AMH: variants seen among roughly 807,000 people sequenced by gnomAD.
The protein encoded by AMH is anti-Mullerian hormone.
A neutral mutation model predicts 33.3 loss-of-function variants in AMH; 39 were observed. That is an observed-to-expected ratio of 1.17 (90% CI 0.91 to 1.53). The LOEUF (loss-of-function observed/expected upper bound fraction) is 1.53. Among genes scored for constraint, AMH ranks in the 40% most tolerant of loss-of-function variants. AMH has a pLI of 0.00. For synonymous variants in AMH, 536 were observed against 403.0 expected (o/e 1.33, Z -3.95); for missense variants, 1,019 against 799.8 (o/e 1.27, Z -3.30).
chr19:2,249,924 C>T lies in AMH; in HGVS notation c.412+180C>T, dbSNP rs1294302603. ...GGTGGGCACCACACTCTGTCCTGTC[C>T]CCGAAGCCCAGCTCTTAGACTTGCC... On this transcript the variant is annotated intron_variant, in intron 1 of 4. Transcript: ENST00000221496. The T allele has an allele frequency of 8.0e-6, 6 of 748,898 alleles. No homozygotes were observed. In the East Asian group the frequency reaches 8.2e-5, roughly 10 times the overall value. The allele number at this position is 748,898 out of a possible 1,614,324, so 46.4% of individuals were successfully genotyped here. A position where few individuals can be genotyped will look rare whatever the true frequency, so the allele number is the denominator to read the frequency against.
Position 2,251,903 on chromosome 19 carries a change from C to A in AMH, c.1629C>A (p.Arg543=), listed in dbSNP as rs780065671. The A allele has an allele frequency of 3.8e-5, 60 of 1,565,568 alleles. No individual in the cohort carries two copies. Among genetic ancestry groups the A allele is most frequent in the Non-Finnish European group, 4.8e-5 (56 of 1,164,144 alleles). The change falls in exon 5 of 5, where the codon CGC becomes CGA. Residue 543 remains arginine, a synonymous_variant. Transcript: ENST00000221496. The part of the protein sequence containing the change: ...GKLLISLSEE[R]ISAHHVPNMV... ...TGCTCATCAGCCTGTCGGAGGAGCG[C>A]ATCAGCGCGCACCACGTGCCCAACA...
intron 4 of AMH, 33 bp downstream of exon 4, chr19:2,251,041 C>CG (rs2145030013): frequency 6.6e-7 from 1 of 1,525,812 alleles, no homozygotes; most frequent in East Asian, 2.5e-5. Context: ...GGGGCAGGAG[C>CG]GGGCGGGGGC....
intron 1 of AMH, 104 bp from the exon 2 acceptor site, chr19:2,250,233 T>A: frequency 6.6e-7 from 1 of 1,517,252 alleles, no homozygotes; most frequent in Non-Finnish European, 8.8e-7. Context: ...GTCCCCCGCT[T>A]GAGGTCCCCT....
Position 2,251,652 on chromosome 19 carries a change from G to T in AMH, c.1378G>T (p.Gly460Trp), listed in dbSNP as rs756844421. Residue 460 changes from glycine to tryptophan, a missense_variant, in exon 5 of 5, where the codon GGG becomes TGG. Transcript: ENST00000221496. ...CAGCGCGGGGGCCACCGCCGCCGAC[G>T]GGCCGTGCGCGCTGCGCGAGCTCAG... ...QRSAGATAAD[G>W]PCALRELSVD... 5 of 1,599,000 alleles carry T rather than the reference G, an allele frequency of 3.1e-6. No individual in the cohort carries two copies. The highest frequency in any genetic ancestry group is 2.7e-5 in the African/African-American group (2 of 73,044).
At chr19:2,250,219 C>A in intron 1 of AMH, 118 bp from the exon 2 acceptor site, 1 of 1,482,340 alleles carries the variant, frequency 6.7e-7, no homozygotes, top group Non-Finnish European at 9.1e-7. Context: ...AGAGGGGCAC[C>A]CTTGTCCCCC....
Position 2,249,338 on chromosome 19 carries a change from G to T in AMH, c.6G>T (p.Arg2=). The change falls in exon 1 of 5, where the codon CGG becomes CGT. Residue 2 remains arginine, a synonymous_variant. Coordinates refer to ENST00000221496, the MANE Select transcript of AMH (RefSeq NM_000479.5). M[R]DLPLTSLALV... ...AGCCCCTGGCAGCACCCACGATGCG[G>T]GACCTGCCTCTCACCAGCCTGGCCC... 1 of 1,567,688 alleles carries T rather than the reference G, an allele frequency of 6.4e-7. No homozygotes were observed. The highest frequency in any genetic ancestry group is 8.6e-7 in the Non-Finnish European group (1 of 1,158,732).
chr19:2,250,652 A>G lies in AMH; in HGVS notation c.556A>G (p.Ser186Gly). The G allele has an allele frequency of 6.5e-7, 1 of 1,539,056 alleles. No homozygotes were observed. Among genetic ancestry groups the G allele is most frequent in the East Asian group, 2.4e-5 (1 of 40,934 alleles). ...CCGGGCTGAGCCCTGGTCTCCGCAG[A>G]GCCTCTGCCCCTCCCGAGACACCCG... is the stretch of plus-strand genomic sequence containing the variant. ...VTRAGLPGAQ[S>G]LCPSRDTRYL... is the part of the protein sequence containing the mutation. Residue 186 changes from serine (S) to glycine (G), a missense_variant and splice_region_variant, in exon 3 of 5, where the codon AGC becomes GGC. Coordinates refer to ENST00000221496, the MANE Select transcript of AMH (RefSeq NM_000479.5).
intron 3 of AMH, 40 bp from the exon 4 acceptor site, chr19:2,250,809 C>T (rs763413938): frequency 4.5e-6 from 7 of 1,539,776 alleles, no homozygotes; most frequent in East Asian, 2.4e-5. Flanking sequence ...TGCCCCCGGG[C>T]CCCCAGCCCC....
intron 2 of AMH, 81 bp from the exon 3 acceptor site, chr19:2,250,571 A>C: frequency 1.3e-6 from 2 of 1,537,798 alleles, no homozygotes; most frequent in East Asian, 4.9e-5. Flanking sequence ...GCGTAGAACC[A>C]GTGGCGATGG....
chr19:2,250,591 G>T, intron 2 of AMH, 61 bp from the exon 3 acceptor site: 1 of 1,536,620 alleles, frequency 6.5e-7, no homozygotes, highest in South Asian at 1.2e-5. Flanking sequence ...GGAGGAAGGG[G>T]ACCGGTAGAG....
Position 2,249,635 on chromosome 19 carries a change from G to A in AMH, c.303G>A (p.Gly101=), listed in dbSNP as rs61736575. The A allele has an allele frequency of 0.044, 66,765 of 1,528,444 alleles. 1,826 individuals carry two copies. Among genetic ancestry groups the A allele is most frequent in the East Asian group, 0.11 (4,720 of 42,408 alleles). The allele number at this position is 1,528,444 out of a possible 1,614,324, so 94.7% of individuals were successfully genotyped here. ...RWGPRDLATF[G]VCNTGDRQAA... ...GCCCCCGAGACCTGGCCACCTTCGG[G>A]GTCTGCAACACCGGTGACAGGCAGG... The change falls in exon 1 of 5, where the codon GGG becomes GGA. Residue 101 remains glycine, a synonymous_variant. Transcript: ENST00000221496.
At chr19:2,249,912 C>A in intron 1 of AMH, 168 bp downstream of exon 1, 1 of 793,766 alleles carries the variant, frequency 1.3e-6, no homozygotes, top group Non-Finnish European at 1.9e-6. Context: ...GGGCACCACA[C>A]TCTGTCCTGT....
In AMH at chr19:2,252,023, A is replaced by G; in HGVS notation, c.*66A>G. On this transcript the variant is annotated 3_prime_UTR_variant, in exon 5 of 5. Coordinates refer to ENST00000221496, the MANE Select transcript of AMH (RefSeq NM_000479.5). ...CGCCCCAGCTCGCGCCCCTTCCCAT[A>G]TTTATTCGGACCCCAAGCATCGCCC... 5 of 1,520,952 alleles carry G rather than the reference A, an allele frequency of 3.3e-6. No homozygotes were observed. The highest frequency in any genetic ancestry group is 4.4e-6 in the Non-Finnish European group (5 of 1,137,802). 94.2% of individuals were successfully genotyped at this position (1,520,952 alleles called of 1,614,324 possible).
Position 2,251,963 on chromosome 19 carries a change from G to T in AMH, c.*6G>T. On this transcript the variant is annotated 3_prime_UTR_variant, in exon 5 of 5. Transcript: ENST00000221496. ...CCGAGTGTGGCTGCCGGTGACCCCT[G>T]CGCCGCGCGGACTCCTGCCCCGAGG... 6.5e-7 allele frequency: 1 copy of T among 1,540,082 alleles called. No homozygotes were observed. The highest frequency in any genetic ancestry group is 1.2e-5 in the South Asian group (1 of 84,752).
chr19:2,251,964 C>A lies in AMH; in HGVS notation c.*7C>A. 6.5e-7 allele frequency: 1 copy of A among 1,540,116 alleles called. No homozygotes were observed. Among genetic ancestry groups the A allele is most frequent in the Non-Finnish European group, 8.7e-7 (1 of 1,150,476 alleles). On this transcript the variant is annotated 3_prime_UTR_variant, in exon 5 of 5. Transcript: ENST00000221496. ...CGAGTGTGGCTGCCGGTGACCCCTG[C>A]GCCGCGCGGACTCCTGCCCCGAGGG...
Position 2,251,084 on chromosome 19 carries a change from A to G in AMH, c.825-15A>G, listed in dbSNP as rs1431375314. The G allele has an allele frequency of 5.2e-6, 8 of 1,539,032 alleles. No homozygotes were observed. ...CCTCGTGGCCGCTCTCAACTCCTCC[A>G]ATTGCGGGTTCCAGGCCATCCGCGG... On this transcript the variant is annotated splice_polypyrimidine_tract_variant and intron_variant, in intron 4 of 4. Transcript: ENST00000221496.
At position 2,251,385 on chromosome 19, in the gene AMH, T is replaced by G; in HGVS notation, c.1111T>G (p.Trp371Gly). 1 of 1,468,328 alleles carries G rather than the reference T, an allele frequency of 6.8e-7. No individual in the cohort carries two copies. Among genetic ancestry groups the G allele is most frequent in the Non-Finnish European group, 9.0e-7 (1 of 1,117,112 alleles). 91.0% of individuals were successfully genotyped at this position (1,468,328 alleles called of 1,614,324 possible). A position where few individuals can be genotyped will look rare whatever the true frequency, so the allele number is the denominator to read the frequency against. The stretch of plus-strand genomic sequence containing the variant: ...CCTGCACGACCCCACGTCGGCGCCG[T>G]GGGCCACGGCCCTGGCGCGCCGCGT... ...APLHDPTSAP[W>G]ATALARRVAA... Residue 371 changes from tryptophan (W) to glycine (G), a missense_variant, in exon 5 of 5, where the codon TGG (tryptophan) becomes GGG (glycine). Transcript: ENST00000221496.
chr19:2,250,514 G>A (rs1403021942), intron 2 of AMH, 35 bp downstream of exon 2: 23 of 1,543,544 alleles, frequency 1.5e-5, no homozygotes, highest in Non-Finnish European at 1.9e-5. Context: ...TGCCCGGGCC[G>A]TGGCGGGGGG....
chr19:2,252,046 C>A lies in AMH; in HGVS notation c.*89C>A. The stretch of plus-strand genomic sequence containing the variant: ...ATATTTATTCGGACCCCAAGCATCG[C>A]CCCAATAAAGACCAGCAAGCAACCG... On this transcript the variant is annotated 3_prime_UTR_variant, in exon 5 of 5. Coordinates refer to ENST00000221496, the MANE Select transcript of AMH (RefSeq NM_000479.5). 1.3e-6 allele frequency: 2 copies of A among 1,504,046 alleles called. No individual in the cohort carries two copies. Among genetic ancestry groups the A allele is most frequent in the Non-Finnish European group, 1.8e-6 (2 of 1,124,444 alleles). 93.2% of individuals were successfully genotyped at this position (1,504,046 alleles called of 1,614,324 possible).
Sources: allele counts gnomAD v4.1 joint callset, GRCh38; gene constraint gnomAD v4.1.1; transcripts MANE v1.5; gene names NCBI Gene and HGNC (gene_info 2026-07-23, HGNC 2026-07-21).